SCFD2: variants seen among roughly 807,000 people sequenced by gnomAD.
The protein encoded by SCFD2 is sec1 family domain containing 2.
SCFD2 carries 54 observed loss-of-function variants against 58.9 expected under a neutral mutation model. The ratio of observed to expected loss-of-function variants is 0.92; its 90% CI spans 0.74 to 1.15. SCFD2 has a LOEUF of 1.15. Among genes scored for constraint, SCFD2 ranks in the 50% most tolerant of loss-of-function variants. SCFD2 has a pLI of 0.00. For synonymous variants in SCFD2, 321 were observed against 335.9 expected (o/e 0.96, Z 0.49); for missense variants, 805 against 836.6 (o/e 0.96, Z 0.47).
intron 4 of SCFD2, among the ~76,000 whole-genome samples, chr4:53,248,242 A>C (rs1296144113): frequency 6.6e-6 from 1 of 152,216 alleles, no homozygotes; most frequent in Non-Finnish European, 1.5e-5. Context: ...GCACCAGGAA[A>C]TTATATCCCG....
At chr4:53,184,554 C>A (rs1727684129) in intron 4 of SCFD2, among the ~76,000 whole-genome samples, 1 of 152,066 alleles carries the variant, frequency 6.6e-6, no homozygotes, top group Admixed American at 6.6e-5. Flanking sequence ...AATAAAATTT[C>A]TATCTTGCTT....
intron 5 of SCFD2, among the ~76,000 whole-genome samples, chr4:52,946,952 T>A (rs770114996): frequency 6.6e-6 from 1 of 152,172 alleles, no homozygotes; most frequent in Non-Finnish European, 1.5e-5. Context: ...TATTTTTGCA[T>A]CTCTGTCCTG....
intron 5 of SCFD2, among the ~76,000 whole-genome samples, chr4:53,020,000 G>A (rs1722308796): frequency 6.6e-6 from 1 of 152,122 alleles, no homozygotes; most frequent in African/African-American, 2.4e-5. Flanking sequence ...TCAACGCTGG[G>A]CTACTGATCT....
intron 3 of SCFD2, among the ~76,000 whole-genome samples, chr4:53,300,620 C>T (rs939595571): frequency 6.6e-6 from 1 of 152,198 alleles, no homozygotes; most frequent in Admixed American, 6.5e-5. Context: ...CTACAGAACT[C>T]TCCACTCCAA....
At chr4:53,225,178 C>T (rs1185795657) in intron 4 of SCFD2, among the ~76,000 whole-genome samples, 2 of 151,886 alleles carry the variant, frequency 1.3e-5, no homozygotes, top group Admixed American at 1.3e-4. Context: ...AAATATAAAC[C>T]TTTTCAAGGT....
intron 7 of SCFD2, among the ~76,000 whole-genome samples, chr4:52,896,659 C>T (rs1208418241): frequency 6.6e-6 from 1 of 152,120 alleles, no homozygotes; most frequent in Non-Finnish European, 1.5e-5. Context: ...TTTTTGGTTC[C>T]ATATGAACTT....
chr4:52,947,968 C>CAAAAAAAAAAAAAAAAAAAAAAAAAGA (rs34494471), intron 5 of SCFD2, among the ~76,000 whole-genome samples: 1 of 35,202 alleles, frequency 2.8e-5, no homozygotes, highest in Admixed American at 2.9e-4. Context: ...AAAAATAGGC[C>CAAAAAAAAAAAAAAAAAAAAAAAAAGA]AAAAAAAAAA....
intron 2 of SCFD2, among the ~76,000 whole-genome samples, chr4:53,326,764 C>T (rs1325861702): frequency 6.6e-6 from 1 of 151,916 alleles, no homozygotes; most frequent in Non-Finnish European, 1.5e-5. Flanking sequence ...TAATCTAAAC[C>T]ACGGTGTCCT....
intron 7 of SCFD2, 147 bp from the exon 8 acceptor site, chr4:52,886,013 G>T (rs1433928804): frequency 9.4e-6 from 9 of 960,388 alleles, no homozygotes; most frequent in Non-Finnish European, 1.4e-5. Context: ...GCAGACAGGG[G>T]TGGGTCCCTG....
At chr4:53,095,461 C>A (rs1237713865) in intron 5 of SCFD2, among the ~76,000 whole-genome samples, 1 of 152,096 alleles carries the variant, frequency 6.6e-6, no homozygotes, top group Admixed American at 6.6e-5. Flanking sequence ...CCACTACCAT[C>A]CTGGTTCAAG....
chr4:52,972,425 A>G (rs1444121853), intron 5 of SCFD2, among the ~76,000 whole-genome samples: 1 of 152,218 alleles, frequency 6.6e-6, no homozygotes, highest in Non-Finnish European at 1.5e-5. Flanking sequence ...AAAGAAGGCC[A>G]TTACATAATG....
chr4:53,058,718 G>A (rs1446395423), intron 5 of SCFD2, among the ~76,000 whole-genome samples: 1 of 151,990 alleles, frequency 6.6e-6, no homozygotes, highest in Admixed American at 6.6e-5. Context: ...TCTGGGTTTG[G>A]GTCCTTTATC....
intron 5 of SCFD2, among the ~76,000 whole-genome samples, chr4:53,068,863 AG>A (rs953665300): frequency 2.0e-5 from 3 of 152,104 alleles, no homozygotes; most frequent in Non-Finnish European, 2.9e-5. Flanking sequence ...GTGAAACATC[AG>A]ATAAAATGAC....
chr4:53,261,628 TTTTGTGG>T (rs1730831359), intron 4 of SCFD2, among the ~76,000 whole-genome samples: 1 of 152,168 alleles, frequency 6.6e-6, no homozygotes, highest in Non-Finnish European at 1.5e-5. Flanking sequence ...CTGAGACTTG[TTTTGTGG>T]CCTATCATAT....
At chr4:52,923,785 T>A (rs1037637253) in intron 5 of SCFD2, among the ~76,000 whole-genome samples, 2 of 152,226 alleles carry the variant, frequency 1.3e-5, no homozygotes, top group African/African-American at 4.8e-5. Context: ...TGGATTGGTA[T>A]CACAGCGTGT....
rs1734652779 is a variant in SCFD2, at chr4:53,365,041, A to G, written c.838+63T>C. 6.5e-7 allele frequency: 1 copy of G among 1,532,158 alleles called. No individual in the cohort carries two copies. The highest frequency in any genetic ancestry group is 1.4e-5 in the African/African-American group (1 of 71,844). 94.9% of individuals were successfully genotyped at this position (1,532,158 alleles called of 1,614,324 possible). On this transcript the variant is annotated intron_variant, in intron 1 of 8. Transcript: ENST00000401642. This position sits in a 1 kb window ranked among gnomAD's most constrained non-coding sequence, Gnocchi z 4.3. ...TAAAAGGTCAATAAAATATATGCTG[A>G]ATCAATGAAAGTCCCAGCAATGTGG...
chr4:53,073,029 C>T (rs940353383), intron 5 of SCFD2, among the ~76,000 whole-genome samples: 7 of 152,122 alleles, frequency 4.6e-5, no homozygotes, highest in African/African-American at 1.7e-4. Context: ...TGGATTCAAA[C>T]AACTGCAGCA....
Position 52,969,840 on chromosome 4 carries a change from A to G in SCFD2, c.1562-48970T>C, listed in dbSNP as rs540255447. 7.2e-5 allele frequency among the ~76,000 whole-genome samples: 11 copies of G among 152,368 alleles called. No individual in the cohort carries two copies. The South Asian group carries it at 2.3e-3, about 32-fold the overall frequency. On this transcript the variant is annotated intron_variant, in intron 5 of 8. Transcript: ENST00000401642. ...GAGCAAAACCTAGCCTCTACTGCCTAAGATGACCTGCAAGGACCATTATGG... is the reference window on the plus strand; with the variant it reads ...GAGCAAAACCTAGCCTCTACTGCCTGAGATGACCTGCAAGGACCATTATGG...
chr4:53,320,641 T>C (rs1732996902), intron 2 of SCFD2, among the ~76,000 whole-genome samples: 1 of 151,970 alleles, frequency 6.6e-6, no homozygotes. Flanking sequence ...AAAATAAAAA[T>C]AAGGTTTCCA....
Sources: gnomAD v4.1 joint callset for allele counts (sites outside exome capture counted in the v4.1 genomes callset) on GRCh38, gnomAD v4.1.1 for gene constraint, Gnocchi (gnomAD v3.1) non-coding constraint, MANE v1.5 for transcripts, NCBI Gene and HGNC (gene_info 2026-07-23, HGNC 2026-07-21) for gene names.